The following MED13 variants were observed in gnomAD, a reference collection of about 807,000 sequenced individuals.
MED13 encodes the protein mediator of RNA polymerase II transcription subunit 13.
A neutral mutation model predicts 225.2 loss-of-function variants in MED13; 23 were observed. The observed-to-expected ratio is 0.10, with a 90% CI of 0.07 to 0.14. The LOEUF is 0.14. Among genes scored for constraint, MED13 ranks in the 10% least tolerant of loss-of-function variants. The probability of loss-of-function intolerance (pLI) is 1.00; values close to 1 mark genes in which losing one functional copy is unlikely to be tolerated. For missense variants in MED13, 2,197 were observed against 2,594.5 expected (o/e 0.85, Z 3.33); for synonymous variants, 942 against 889.2 (o/e 1.06, Z -1.06).
At chr17:62,045,051 G>T (rs912811459) in intron 3 of MED13, among the ~76,000 whole-genome samples, 10 of 152,056 alleles carry the variant, frequency 6.6e-5, no homozygotes, top group Non-Finnish European at 2.9e-5. Context: ...TTTTTCCATA[G>T]AAATCAATTA....
intron 2 of MED13, among the ~76,000 whole-genome samples, chr17:62,062,841 G>A (rs2081052017): frequency 6.6e-6 from 1 of 152,096 alleles, no homozygotes; most frequent in Non-Finnish European, 1.5e-5. Context: ...AAGAAGAGAG[G>A]TGGTGGAAGG....
intron 17 of MED13, among the ~76,000 whole-genome samples, chr17:61,969,995 C>T (rs2080093041): frequency 6.6e-6 from 1 of 152,080 alleles, no homozygotes; most frequent in African/African-American, 2.4e-5. Flanking sequence ...CAAAACAAAA[C>T]TATCTCTAAC....
chr17:61,959,640 T>G (rs1426507627), intron 23 of MED13, among the ~76,000 whole-genome samples: 1 of 152,040 alleles, frequency 6.6e-6, no homozygotes, highest in Non-Finnish European at 1.5e-5. Flanking sequence ...CTAATAATCA[T>G]TAGATATTTC....
At chr17:61,995,497 A>AG in intron 9 of MED13, 132 bp from the exon 10 acceptor site, 1 of 598,494 alleles carries the variant, frequency 1.7e-6, no homozygotes, top group Non-Finnish European at 2.7e-6. Flanking sequence ...TTCAGAAATG[A>AG]GGAGGCATGA....
At chr17:62,023,593 G>A (rs1265322472) in intron 8 of MED13, among the ~76,000 whole-genome samples, 1 of 152,142 alleles carries the variant, frequency 6.6e-6, no homozygotes, top group Admixed American at 6.5e-5. Context: ...CCAATCTTCT[G>A]TTAGTGCCTC....
chr17:61,956,004 C>T (rs955593357), intron 24 of MED13, among the ~76,000 whole-genome samples, 166 bp from the exon 25 acceptor site: 2 of 151,954 alleles, frequency 1.3e-5, no homozygotes, highest in Non-Finnish European at 2.9e-5. Context: ...AAAATTCTTA[C>T]TGCTGATGCT....
intron 8 of MED13, among the ~76,000 whole-genome samples, chr17:62,019,403 C>T (rs1030603270): frequency 2.0e-5 from 3 of 152,174 alleles, no homozygotes; most frequent in Non-Finnish European, 4.4e-5. Context: ...ATGTAATAAA[C>T]GTACTTTGCA....
At chr17:61,946,712 CAG>C (rs899363330) in intron 29 of MED13, 112 bp from the exon 30 acceptor site, 111 of 1,346,744 alleles carry the variant, frequency 8.2e-5, no homozygotes, top group Non-Finnish European at 1.1e-4. Flanking sequence ...AAGAGTGTAA[CAG>C]AGAGTCCTTG....
intron 27 of MED13, among the ~76,000 whole-genome samples, chr17:61,952,587 A>T (rs1312218176): frequency 6.6e-6 from 1 of 152,236 alleles, no homozygotes; most frequent in African/African-American, 2.4e-5. Flanking sequence ...TCCATGATGT[A>T]GAAATGCATG....
rs776058960 is a variant in MED13 at position 62,011,025 on chromosome 17, C to A, written c.1492G>T (p.Val498Leu). The A allele has an allele frequency of 6.2e-7, 1 of 1,614,190 alleles. No homozygotes were observed. The highest frequency in any genetic ancestry group is 1.1e-5 in the South Asian group (1 of 91,084). ...ACTTGACTGTCTGGAGCAGAGATCA[C>A]AAGTCTTTGGCTGGCTGAATCTGCG... Reference protein sequence around the residue: ...MDADSASQRLVISAPDSQVRF... With the variant: ...MDADSASQRLLISAPDSQVRF... Residue 498 changes from valine (V) to leucine (L), a missense_variant, in exon 9 of 30, where the codon GTG becomes TTG. Val to Leu is a conservative substitution (Grantham distance 32). Transcript: ENST00000397786.
chr17:61,950,186 T>G (rs879829819), intron 28 of MED13, among the ~76,000 whole-genome samples: 2 of 152,064 alleles, frequency 1.3e-5, no homozygotes, highest in Non-Finnish European at 2.9e-5. Context: ...AGAGGTAATA[T>G]AAAGTTTCTC....
Position 61,965,162 on chromosome 17 carries a change from C to A in MED13, c.4688G>T (p.Ser1563Ile). The A allele has an allele frequency of 6.2e-7, 1 of 1,614,150 alleles. No homozygotes were observed. Among genetic ancestry groups the A allele is most frequent in the Non-Finnish European group, 8.5e-7 (1 of 1,180,030 alleles). The change falls in exon 20 of 30, where the codon AGT becomes ATT. Residue 1563 changes from serine (S) to isoleucine (I), a missense_variant. Physicochemically the swap from Ser to Ile is moderately radical, Grantham distance 142. This residue lies in a region of MED13 where 457 missense variants were observed against 442.2 expected (regional missense o/e 1.03). Coordinates refer to ENST00000397786, the MANE Select transcript of MED13 (RefSeq NM_005121.3). ...GGATCCTGCAGCATTACTGTTCATA[C>A]TGCCAAAGGGTGGAAACGAAGGTAG... ...NKLPSFPPFG[S>I]MNSNAAGSMS...
intron 27 of MED13, among the ~76,000 whole-genome samples, chr17:61,951,961 G>A (rs529041938): frequency 4.6e-5 from 7 of 151,984 alleles, no homozygotes; most frequent in Admixed American, 1.3e-4. Flanking sequence ...GCAGTGGTGC[G>A]ATCTCGGCTC....
intron 16 of MED13, among the ~76,000 whole-genome samples, chr17:61,980,953 T>C (rs2143451419): frequency 6.6e-6 from 1 of 152,074 alleles, no homozygotes; most frequent in South Asian, 2.1e-4. Flanking sequence ...CTCAAACTCC[T>C]GGCCTCATGA....
At chr17:61,952,819 T>G in intron 27 of MED13, 146 bp downstream of exon 27, 1 of 843,732 alleles carries the variant, frequency 1.2e-6, no homozygotes, top group Admixed American at 2.8e-5. Context: ...ACATTTTTAG[T>G]AGAGATGGGG....
chr17:62,020,685 CTTTTTTTT>C (rs78598460), intron 8 of MED13, among the ~76,000 whole-genome samples: 10 of 100,792 alleles, frequency 9.9e-5, no homozygotes, highest in Non-Finnish European at 1.9e-4. Context: ...GGCCTGCTTT[CTTTTTTTT>C]TTTTTTTTTT....
chr17:62,011,106 G>T lies in MED13; in HGVS notation c.1411C>A (p.Arg471Ser). 1 of 1,614,184 alleles carries T rather than the reference G, an allele frequency of 6.2e-7. No homozygotes were observed. Among genetic ancestry groups the T allele is most frequent in the South Asian group, 1.1e-5 (1 of 91,082 alleles). ...CGATGGTGAAAAGGAGTCAAGGGGC[G>T]TTTCTGTGGCTTTTCACTCTTTTCT... Reference protein sequence around the residue: ...KQEKSEKPQKRPLTPFHHRVS... With the variant: ...KQEKSEKPQKSPLTPFHHRVS... Residue 471 changes from arginine to serine, a missense_variant, in exon 9 of 30, where the codon CGC becomes AGC. Coordinates refer to ENST00000397786, the MANE Select transcript of MED13 (RefSeq NM_005121.3).
chr17:62,019,160 A>T (rs1169476081), intron 8 of MED13, among the ~76,000 whole-genome samples: 1 of 152,254 alleles, frequency 6.6e-6, no homozygotes, highest in African/African-American at 2.4e-5. Context: ...ATATACTTCA[A>T]CCAAGACAAT....
At chr17:61,947,722 G>C (rs974498592) in intron 28 of MED13, among the ~76,000 whole-genome samples, 2 of 152,098 alleles carry the variant, frequency 1.3e-5, no homozygotes, top group African/African-American at 4.8e-5. Context: ...CATAATAGAG[G>C]GTAGGTAAAA....
Sources: allele counts gnomAD v4.1 joint callset (sites outside exome capture counted in the v4.1 genomes callset), GRCh38; gene constraint gnomAD v4.1.1; regional missense constraint gnomAD v4.1.1; transcripts MANE v1.5; gene names NCBI Gene and HGNC (gene_info 2026-07-23, HGNC 2026-07-21).